The following PRPF6 variants were observed in gnomAD, a reference collection of about 807,000 sequenced individuals.
PRPF6 encodes pre-mRNA processing factor 6, also known as pre-mRNA-processing factor 6.
In PRPF6, 42 loss-of-function variants were observed where a neutral mutation model predicts 118.3. The observed-to-expected ratio is 0.35, with a 90% CI of 0.28 to 0.46. PRPF6 has a LOEUF of 0.46. Ranked by LOEUF, PRPF6 falls within the 20% of genes least tolerant of loss-of-function variation. PRPF6 has a pLI of 1.00. For synonymous variants in PRPF6, 481 were observed against 485.1 expected (o/e 0.99, Z 0.11); for missense variants, 662 against 1,255.7 (o/e 0.53, Z 7.15).
chr20:63,986,926 T>C (rs1243232410), intron 3 of PRPF6, among the ~76,000 whole-genome samples: 4 of 150,778 alleles, frequency 2.7e-5, no homozygotes, highest in Non-Finnish European at 4.4e-5. Context: ...CCCAGCACTT[T>C]GGGAGGCTGA....
At chr20:63,993,738 ATTTTCTT>A (rs1354063478) in intron 4 of PRPF6, among the ~76,000 whole-genome samples, 66 of 150,640 alleles carry the variant, frequency 4.4e-4, no homozygotes, top group Admixed American at 8.6e-4. Context: ...TATACCTAAG[ATTTTCTT>A]TTTTCTTTTT....
rs565993288 is a variant in PRPF6, at chr20:63,990,649, C to CT, written c.360-2745dup. On this transcript the variant is annotated intron_variant, in intron 3 of 20. Coordinates refer to ENST00000266079, the MANE Select transcript of PRPF6 (RefSeq NM_012469.4). Reference sequence around the variant, plus strand: ...CACACCCAGCTAATTTTTCTTTTTTCTTTTTTTTTTTTTGAGATGGAGTCT... The same window carrying CT: ...CACACCCAGCTAATTTTTCTTTTTTCTTTTTTTTTTTTTTGAGATGGAGTCT... 5.1e-3 allele frequency among the ~76,000 whole-genome samples: 721 copies of CT among 140,828 alleles called. 8 individuals are homozygous for CT. The highest frequency in any genetic ancestry group is 0.015 in the African/African-American group (586 of 37,994). 92.4% of individuals were successfully genotyped at this position (140,828 alleles called of 152,430 possible).
At chr20:64,004,998 C>T (rs182786652) in intron 9 of PRPF6, among the ~76,000 whole-genome samples, 163 of 152,264 alleles carry the variant, frequency 1.1e-3, no homozygotes, top group African/African-American at 3.6e-3. Context: ...ACGTGACCCC[C>T]GGAGAGCATG....
At chr20:64,024,112 A>T (rs2059277391) in intron 13 of PRPF6, among the ~76,000 whole-genome samples, 1 of 152,122 alleles carries the variant, frequency 6.6e-6, no homozygotes, top group South Asian at 2.1e-4. Context: ...CTCAATAGTG[A>T]CCTGAAATCA....
chr20:63,986,217 C>T (rs940682113), intron 3 of PRPF6, among the ~76,000 whole-genome samples: 5 of 151,540 alleles, frequency 3.3e-5, no homozygotes, highest in South Asian at 4.2e-4. Context: ...GGGTGGTGTA[C>T]GCCTATAATC....
chr20:63,983,994 A>G (rs149262122), intron 2 of PRPF6, among the ~76,000 whole-genome samples: 21 of 152,252 alleles, frequency 1.4e-4, no homozygotes, highest in Non-Finnish European at 2.5e-4. Context: ...AATTGGTGAT[A>G]GTATTTGCTT....
intron 12 of PRPF6, among the ~76,000 whole-genome samples, chr20:64,018,562 C>G (rs1232160639): frequency 1.3e-5 from 2 of 152,024 alleles, no homozygotes; most frequent in African/African-American, 4.8e-5. Context: ...ATTAATGATG[C>G]TTCTTGGCCT....
chr20:64,031,814 G>A, intron 19 of PRPF6, 104 bp from the exon 20 acceptor site: 3 of 1,513,396 alleles, frequency 2.0e-6, no homozygotes, highest in Non-Finnish European at 1.8e-6. Flanking sequence ...GAGCACCAGG[G>A]CTGCGGGTCA....
At position 64,029,931 on chromosome 20, in the gene PRPF6, A is replaced by G. The variant is rs1012585173; in HGVS notation, c.2546+440A>G. Among the ~76,000 whole-genome samples the G allele has an allele frequency of 6.7e-6, 1 of 149,962 alleles. No individual in the cohort carries two copies. The highest frequency in any genetic ancestry group is 1.5e-5 in the Non-Finnish European group (1 of 67,596). ...CTCACTGGGGACACATGTGATTCAC[A>G]CTGGTGTGCTGGCCGCCGGGTCAGA... On this transcript the variant is annotated intron_variant, in intron 19 of 20. Coordinates refer to ENST00000266079, the MANE Select transcript of PRPF6 (RefSeq NM_012469.4). This position sits in a 1 kb window ranked among gnomAD's most constrained non-coding sequence, Gnocchi z 4.8.
rs1206305805 is a variant in PRPF6, at chr20:63,995,189, A to C, written c.615+97A>C. 4 of 1,592,738 alleles carry C rather than the reference A, an allele frequency of 2.5e-6. No individual in the cohort carries two copies. The African/African-American group carries it at 5.4e-5, about 21-fold the overall frequency. On this transcript the variant is annotated intron_variant, in intron 5 of 20. Transcript: ENST00000266079. ...GTTGGATTCAATGCTTCTGCAGGTCATGGCTATGCTGTGGCCGAGTCTGTC... is the reference window on the plus strand; with the variant it reads ...GTTGGATTCAATGCTTCTGCAGGTCCTGGCTATGCTGTGGCCGAGTCTGTC...
At position 64,029,134 on chromosome 20, in the gene PRPF6, T is replaced by C. The variant is rs1401417237; in HGVS notation, c.2432-243T>C. ...GTGAGCTGAGATTGCGCCATTGCAC[T>C]CCACCCTGAATGACAGAGTGAGACT... On this transcript the variant is annotated intron_variant, in intron 18 of 20. Coordinates refer to ENST00000266079, the MANE Select transcript of PRPF6 (RefSeq NM_012469.4). This position sits in a 1 kb window ranked among gnomAD's most constrained non-coding sequence, Gnocchi z 4.8. Among the ~76,000 whole-genome samples the C allele has an allele frequency of 3.9e-5, 6 of 152,174 alleles. No individual in the cohort carries two copies. The highest frequency in any genetic ancestry group is 1.4e-4 in the African/African-American group (6 of 41,446).
intron 13 of PRPF6, 57 bp from the exon 14 acceptor site, chr20:64,024,498 G>C: frequency 6.2e-7 from 1 of 1,607,238 alleles, no homozygotes; most frequent in Non-Finnish European, 8.5e-7. Context: ...GGCTGAGTGT[G>C]ATGTGTGTTC....
chr20:64,024,307 G>A (rs983691445), intron 13 of PRPF6, among the ~76,000 whole-genome samples: 4 of 152,144 alleles, frequency 2.6e-5, no homozygotes, highest in Admixed American at 6.5e-5. Context: ...TGTGAAGTTC[G>A]TCTCTCCAGC....
rs780925388 is a variant in PRPF6, at chr20:64,022,744, C to G, written c.1648-13C>G. On this transcript the variant is annotated splice_polypyrimidine_tract_variant and intron_variant, in intron 12 of 20. Coordinates refer to ENST00000266079, the MANE Select transcript of PRPF6 (RefSeq NM_012469.4). ...TGCTGGGCTGCCCATTCTCATGTCT[C>G]TCTCTGCTCTAGTGTGTAGCCCACA... 7 of 1,613,908 alleles carry G rather than the reference C, an allele frequency of 4.3e-6. No individual in the cohort carries two copies. The highest frequency in any genetic ancestry group is 1.6e-4 in the Middle Eastern group (1 of 6,084).
intron 20 of PRPF6, 96 bp downstream of exon 20, chr20:64,032,140 C>T (rs907252716): frequency 3.7e-5 from 58 of 1,579,118 alleles, no homozygotes; most frequent in African/African-American, 1.8e-4. Context: ...CCACGGCCAG[C>T]GTGACTCTGC....
rs188069805 is a variant in PRPF6 at position 64,030,271 on chromosome 20, G to T, written c.2546+780G>T. 6.4e-4 allele frequency among the ~76,000 whole-genome samples: 97 copies of T among 152,320 alleles called. No individual in the cohort carries two copies. The East Asian group carries it at 0.018, about 28-fold the overall frequency. Reference sequence around the variant, plus strand: ...GAAGGGAGTTCTTGGAAGAACCCTGGGTTCCTGAGGCTGCAGCTCAGGACG... The same window carrying T: ...GAAGGGAGTTCTTGGAAGAACCCTGTGTTCCTGAGGCTGCAGCTCAGGACG... On this transcript the variant is annotated intron_variant, in intron 19 of 20. Coordinates refer to ENST00000266079, the MANE Select transcript of PRPF6 (RefSeq NM_012469.4).
At chr20:63,987,074 A>G (rs1281549867) in intron 3 of PRPF6, among the ~76,000 whole-genome samples, 1 of 143,788 alleles carries the variant, frequency 7.0e-6, no homozygotes, top group Non-Finnish European at 1.5e-5. Context: ...GGAGGCTGAG[A>G]TGGGAGAATT....
chr20:64,010,334 T>G lies in PRPF6; in HGVS notation c.1305+16T>G, dbSNP rs751358630. The G allele has an allele frequency of 1.2e-6, 2 of 1,604,368 alleles. No homozygotes were observed. The highest frequency in any genetic ancestry group is 1.7e-6 in the Non-Finnish European group (2 of 1,173,830). On this transcript the variant is annotated intron_variant, in intron 10 of 20. Coordinates refer to ENST00000266079, the MANE Select transcript of PRPF6 (RefSeq NM_012469.4). ...CAGCGTGGAGGTGAGTCTGGCGGGC[T>G]CAGGGCCACCAGAGCCCAAAGTGGC...
rs912776108 is a variant in PRPF6, at chr20:64,027,246, C to T, written c.2205+88C>T. The T allele has an allele frequency of 8.6e-6, 13 of 1,516,580 alleles. No individual in the cohort carries two copies. In the Admixed American group the frequency reaches 1.9e-4, roughly 22 times the overall value. The allele number at this position is 1,516,580 out of a possible 1,614,324, so 93.9% of individuals were successfully genotyped here. A position where few individuals can be genotyped will look rare whatever the true frequency, so the allele number is the denominator to read the frequency against. On this transcript the variant is annotated intron_variant, in intron 16 of 20. Transcript: ENST00000266079. The surrounding 1 kb of genome is among the most constrained non-coding windows in gnomAD (Gnocchi z 6.5). ...GGTGCAGGGTCATTGCCCTTCGCCT[C>T]TGAGGAGATGTGGAGGGCTGGGGGT...
Sources: allele counts gnomAD v4.1 joint callset (sites outside exome capture counted in the v4.1 genomes callset), GRCh38; gene constraint gnomAD v4.1.1; non-coding constraint Gnocchi (gnomAD v3.1); transcripts MANE v1.5; gene names NCBI Gene and HGNC (gene_info 2026-07-23, HGNC 2026-07-21).